DLC1: variants seen among roughly 807,000 people sequenced by gnomAD.
The protein encoded by DLC1 is DLC1 Rho GTPase activating protein, also known as rho GTPase-activating protein 7.
A neutral mutation model predicts 140.3 loss-of-function variants in DLC1; 54 were observed. That is an observed-to-expected ratio of 0.38 (90% CI 0.31 to 0.48). DLC1 has a LOEUF of 0.48. Among genes scored for constraint, DLC1 ranks in the 20% least tolerant of loss-of-function variants. The pLI is 0.96. For synonymous variants in DLC1, 986 were observed against 728.1 expected (o/e 1.35, Z -5.70); for missense variants, 2,536 against 1,907.0 (o/e 1.33, Z -6.14).
At chr8:13,331,592 A>G (rs534234569) in intron 4 of DLC1, among the ~76,000 whole-genome samples, 1 of 152,130 alleles carries the variant, frequency 6.6e-6, no homozygotes, top group African/African-American at 2.4e-5. Flanking sequence ...TAATGCTCTC[A>G]AATTTAAAAT....
At chr8:13,553,237 T>G (rs1320403969) in intron 1 of DLC1, among the ~76,000 whole-genome samples, 1 of 137,744 alleles carries the variant, frequency 7.3e-6, no homozygotes, top group East Asian at 2.3e-4. Flanking sequence ...TGTATATATA[T>G]ATATATATAT....
At chr8:13,599,937 T>C (rs1805816317) in intron 1 of DLC1, among the ~76,000 whole-genome samples, 1 of 152,002 alleles carries the variant, frequency 6.6e-6, no homozygotes. Context: ...TATGGACCTA[T>C]TGAACAGTAT....
At chr8:13,110,492 C>T (rs544595700) in intron 7 of DLC1, among the ~76,000 whole-genome samples, 16 of 152,132 alleles carry the variant, frequency 1.1e-4, no homozygotes, top group Admixed American at 2.0e-4. Flanking sequence ...ACTTGTTACA[C>T]CAATTATATC....
intron 2 of DLC1, among the ~76,000 whole-genome samples, chr8:13,401,930 T>C (rs1256682412): frequency 6.6e-6 from 1 of 152,224 alleles, no homozygotes; most frequent in Non-Finnish European, 1.5e-5. Flanking sequence ...GGAAAGGTTA[T>C]ATATTTTTCT....
intron 5 of DLC1, among the ~76,000 whole-genome samples, chr8:13,197,648 T>C (rs1435427152): frequency 6.6e-6 from 1 of 152,048 alleles, no homozygotes; most frequent in Non-Finnish European, 1.5e-5. Context: ...GCCAGGCCGA[T>C]TTATTTTTTT....
intron 5 of DLC1, among the ~76,000 whole-genome samples, chr8:13,281,738 G>A (rs545737889): frequency 2.0e-5 from 3 of 152,272 alleles, no homozygotes; most frequent in African/African-American, 2.4e-5. Flanking sequence ...GGAAGAGGCT[G>A]CAATAAAACA....
At chr8:13,521,197 A>T (rs1802754218) in intron 1 of DLC1, among the ~76,000 whole-genome samples, 2 of 152,132 alleles carry the variant, frequency 1.3e-5, no homozygotes. Context: ...AGGGAGCTGA[A>T]CAATGAAAGA....
chr8:13,548,790 G>C lies in DLC1; in HGVS notation c.-125-48594C>G, dbSNP rs374823485. 2.6e-5 allele frequency among the ~76,000 whole-genome samples: 4 copies of C among 152,094 alleles called. No homozygotes were observed. The East Asian group carries it at 5.8e-4, about 22-fold the overall frequency. ...AAGAAACAAAATCAAGCTTATTTGG[G>C]TTGGTATTATTGTTGATTAATTTCT... On this transcript the variant is annotated intron_variant, in intron 1 of 1. Transcript: ENST00000631382.
chr8:13,357,044 G>A lies in DLC1; in HGVS notation c.1314+36509C>T, dbSNP rs761740018. Reference sequence around the variant, plus strand: ...AACACTTAGGGGGGCTGAGGCAGGCGGATCACTTGAGGCCAGGAGTTTGAG... The same window carrying A: ...AACACTTAGGGGGGCTGAGGCAGGCAGATCACTTGAGGCCAGGAGTTTGAG... On this transcript the variant is annotated intron_variant, in intron 4 of 17. Transcript: ENST00000276297. Among the ~76,000 whole-genome samples the A allele has an allele frequency of 5.3e-5, 8 of 151,870 alleles. No homozygotes were observed. The South Asian group carries it at 6.3e-4, about 12-fold the overall frequency.
Position 13,454,555 on chromosome 8 carries a change from GT to G in DLC1, c.1023+44493del, listed in dbSNP as rs572086328. 2.7e-3 allele frequency among the ~76,000 whole-genome samples: 408 copies of G among 152,202 alleles called. 1 individual carries two copies. Among genetic ancestry groups the G allele is most frequent in the African/African-American group, 9.4e-3 (391 of 41,530 alleles). ...AGAAGGAGGTATACAAGAGTTTCTT[GT>G]TTAGTTTTTTCTCTTCAGAGATAGG... On this transcript the variant is annotated intron_variant, in intron 2 of 17. Coordinates refer to ENST00000276297, the MANE Select transcript of DLC1 (RefSeq NM_182643.3).
At chr8:13,112,748 C>T (rs549190407) in intron 6 of DLC1, among the ~76,000 whole-genome samples, 87 of 152,182 alleles carry the variant, frequency 5.7e-4, no homozygotes, top group African/African-American at 1.8e-3. Context: ...GATCTCACTA[C>T]GTTGGCCAGG....
At chr8:13,408,280 T>C (rs1837650427) in intron 2 of DLC1, among the ~76,000 whole-genome samples, 3 of 152,226 alleles carry the variant, frequency 2.0e-5, no homozygotes, top group African/African-American at 7.2e-5. Flanking sequence ...ATAGATAATA[T>C]TGTTATTTAA....
chr8:13,284,049 G>C (rs1831458456), intron 5 of DLC1, among the ~76,000 whole-genome samples: 1 of 152,162 alleles, frequency 6.6e-6, no homozygotes, highest in Non-Finnish European at 1.5e-5. Flanking sequence ...TGGAAGTGCA[G>C]TCACTTCCTG....
chr8:13,392,118 G>T (rs1201592557), intron 4 of DLC1, among the ~76,000 whole-genome samples: 1 of 152,102 alleles, frequency 6.6e-6, no homozygotes, highest in African/African-American at 2.4e-5. Context: ...CATTACTGTT[G>T]ATTTTTCAGT....
intron 8 of DLC1, among the ~76,000 whole-genome samples, chr8:13,101,855 C>T (rs1819121317): frequency 6.6e-6 from 1 of 152,182 alleles, no homozygotes; most frequent in Non-Finnish European, 1.5e-5. Context: ...GTCACACGGA[C>T]TATTGCATCT....
intron 2 of DLC1, among the ~76,000 whole-genome samples, chr8:13,440,142 C>T (rs73208008): frequency 4.6e-4 from 70 of 152,194 alleles, no homozygotes; most frequent in African/African-American, 1.3e-3. Flanking sequence ...TACGAATTTT[C>T]GATAAGGAGA....
chr8:13,212,565 A>G (rs1021838830), intron 5 of DLC1, among the ~76,000 whole-genome samples: 15 of 152,132 alleles, frequency 9.9e-5, no homozygotes, highest in African/African-American at 2.9e-4. Context: ...TATGCAACAT[A>G]AAATTGATTT....
At chr8:13,199,380 T>G (rs1827248504) in intron 5 of DLC1, among the ~76,000 whole-genome samples, 1 of 151,924 alleles carries the variant, frequency 6.6e-6, no homozygotes, top group African/African-American at 2.4e-5. Context: ...ATGGAGATCT[T>G]GCCATGTTTC....
Position 13,094,944 on chromosome 8 carries a change from C to T in DLC1, c.3341G>A (p.Arg1114Lys), listed in dbSNP as rs1127608. The part of the protein sequence containing the change: ...NHCLDQVGLF[R>K]KSGVKSRIQA... The stretch of plus-strand genomic sequence containing the variant: ...AATCCGGGACTTGACCCCCGATTTT[C>T]TGAAGAGCCCAACCTGTCGGAAGAG... Residue 1114 changes from arginine (R) to lysine (K), a missense_variant, in exon 12 of 18, where the codon AGA becomes AAA. By Grantham distance (26) the Arg-to-Lys change is conservative. Transcript: ENST00000276297. 1 of 1,614,184 alleles carries T rather than the reference C, an allele frequency of 6.2e-7. No individual in the cohort carries two copies. Among genetic ancestry groups the T allele is most frequent in the African/African-American group, 1.3e-5 (1 of 75,074 alleles).
Sources: allele counts gnomAD v4.1 joint callset (sites outside exome capture counted in the v4.1 genomes callset), GRCh38; gene constraint gnomAD v4.1.1; transcripts MANE v1.5; gene names NCBI Gene and HGNC (gene_info 2026-07-23, HGNC 2026-07-21).